Variants in NHSL1 observed in about 807,000 individuals in gnomAD.
NHSL1 encodes the protein NHS-like protein 1.
Under a neutral mutation model 95.0 loss-of-function variants are expected in NHSL1, and 48 were observed. The observed-to-expected ratio is 0.51, with a 90% CI of 0.40 to 0.64. NHSL1 has a LOEUF of 0.64. Among genes scored for constraint, NHSL1 ranks in the 30% least tolerant of loss-of-function variants. The pLI is 0.00. For missense variants in NHSL1, 1,971 were observed against 2,077.7 expected (o/e 0.95, Z 1.00); for synonymous variants, 783 against 833.9 (o/e 0.94, Z 1.05).
At chr6:138,548,222 G>A (rs926872396), upstream of NHSL1, among the ~76,000 whole-genome samples, 14 of 152,088 alleles carry the variant, frequency 9.2e-5, no homozygotes, top group Admixed American at 5.9e-4. Context: ...CTGACCTCGT[G>A]ATCCACCCAC....
chr6:138,617,109 G>A (rs1206028437), intron 1 of NHSL1, among the ~76,000 whole-genome samples: 1 of 152,192 alleles, frequency 6.6e-6, no homozygotes, highest in Non-Finnish European at 1.5e-5. Flanking sequence ...ATAATTAAGT[G>A]CAAAAGCTGG....
chr6:138,453,409 C>T (rs1297883972), intron 3 of NHSL1, among the ~76,000 whole-genome samples: 1 of 152,054 alleles, frequency 6.6e-6, no homozygotes, highest in Non-Finnish European at 1.5e-5. Flanking sequence ...GGCTAGAGTG[C>T]AGCACAGTGA....
In NHSL1 at chr6:138,473,451, G is replaced by C; in HGVS notation, c.212-18C>G. ...ATCGCATTCTGCAGAGGGGCACGCA[G>C]GGAGGGGAAGGAGGCCATTAAAAAG... On this transcript the variant is annotated intron_variant, in intron 2 of 7. Transcript: ENST00000343505. 7.1e-7 allele frequency: 1 copy of C among 1,400,590 alleles called. No individual in the cohort carries two copies. Among genetic ancestry groups the C allele is most frequent in the Non-Finnish European group, 9.4e-7 (1 of 1,066,294 alleles). The allele number at this position is 1,400,590 out of a possible 1,614,324, so 86.8% of individuals were successfully genotyped here.
At chr6:138,531,725 G>GC (rs1484829083) in intron 1 of NHSL1, among the ~76,000 whole-genome samples, 1 of 151,960 alleles carries the variant, frequency 6.6e-6, no homozygotes, top group African/African-American at 2.4e-5. Context: ...TGTTGCTTAG[G>GC]CGGGTCTTCA....
chr6:138,548,232 C>T (rs1250880741), upstream of NHSL1, among the ~76,000 whole-genome samples: 3 of 152,178 alleles, frequency 2.0e-5, no homozygotes, highest in African/African-American at 4.8e-5. Flanking sequence ...GATCCACCCA[C>T]CTCAGCCTCC....
intron 1 of NHSL1, among the ~76,000 whole-genome samples, chr6:138,626,214 C>A (rs1334842902): frequency 6.6e-6 from 1 of 152,226 alleles, no homozygotes; most frequent in African/African-American, 2.4e-5. Context: ...CATATGGAAA[C>A]AACCATCCAG....
intron 1 of NHSL1, among the ~76,000 whole-genome samples, chr6:138,653,858 T>C (rs1362451099): frequency 1.3e-5 from 2 of 152,250 alleles, no homozygotes; most frequent in African/African-American, 4.8e-5. Flanking sequence ...CCTTACTGTA[T>C]GATACGCTCC....
At chr6:138,471,054 G>C (rs1343905990) in intron 3 of NHSL1, among the ~76,000 whole-genome samples, 1 of 152,084 alleles carries the variant, frequency 6.6e-6, no homozygotes, top group Admixed American at 6.6e-5. Flanking sequence ...TGTTTTCTAG[G>C]GGGTGATTTG....
At chr6:138,659,143 G>A (rs1046692212) in intron 1 of NHSL1, among the ~76,000 whole-genome samples, 3 of 146,000 alleles carry the variant, frequency 2.1e-5, no homozygotes, top group East Asian at 2.0e-4. Flanking sequence ...TCCACTTTCC[G>A]AGTTCAAGTG....
chr6:138,630,031 A>C (rs893362283), intron 1 of NHSL1, among the ~76,000 whole-genome samples: 2 of 152,192 alleles, frequency 1.3e-5, no homozygotes, highest in African/African-American at 4.8e-5. Flanking sequence ...TGGGCAACAC[A>C]GTGAGACCCT....
In NHSL1 at chr6:138,626,750, C is replaced by T. The variant is rs559493427; in HGVS notation, c.96+65726G>A. Among the ~76,000 whole-genome samples, 96 of 117,324 alleles carry T rather than the reference C, an allele frequency of 8.2e-4. 25 individuals carry two copies. Among genetic ancestry groups the T allele is most frequent in the African/African-American group, 3.5e-3 (95 of 27,052 alleles). The allele number at this position is 117,324 out of a possible 152,430, so 77.0% of individuals were successfully genotyped here. On this transcript the variant is annotated intron_variant, in intron 1 of 3. Coordinates refer to the NHSL1 transcript ENST00000491526. ...CTACTAAAAATACAAAAAAATTAGCCGGGCGTAGTGGCGGGCGCCTGTCGT... is the reference window on the plus strand; with the variant it reads ...CTACTAAAAATACAAAAAAATTAGCTGGGCGTAGTGGCGGGCGCCTGTCGT...
chr6:138,512,795 T>C (rs1327116141), intron 1 of NHSL1, among the ~76,000 whole-genome samples: 1 of 152,244 alleles, frequency 6.6e-6, no homozygotes, highest in Non-Finnish European at 1.5e-5. Context: ...CTCAGGTCTA[T>C]GCACATGGCG....
chr6:138,560,971 T>C (rs975907419), intron 1 of NHSL1, among the ~76,000 whole-genome samples: 3 of 152,244 alleles, frequency 2.0e-5, no homozygotes, highest in Non-Finnish European at 2.9e-5. Context: ...ACTCAAGTGA[T>C]ACTGTTTAAA....
chr6:138,558,358 G>A (rs957745994), intron 1 of NHSL1, among the ~76,000 whole-genome samples: 3 of 151,210 alleles, frequency 2.0e-5, no homozygotes, highest in African/African-American at 7.3e-5. Context: ...TCCTGACCTC[G>A]TGATCCACCT....
At chr6:138,435,800 AT>A (rs1217383098) in intron 5 of NHSL1, among the ~76,000 whole-genome samples, 14 of 149,738 alleles carry the variant, frequency 9.3e-5, no homozygotes, top group Non-Finnish European at 2.1e-4. Context: ...TATTGATGCC[AT>A]TTTTCTAACA....
At chr6:138,533,677 G>C (rs1241365463) in intron 1 of NHSL1, among the ~76,000 whole-genome samples, 1 of 152,120 alleles carries the variant, frequency 6.6e-6, no homozygotes, top group Non-Finnish European at 1.5e-5. Context: ...ACTATGCATT[G>C]GAGTGTTTTT....
intron 5 of NHSL1, 89 bp downstream of exon 5, chr6:138,441,894 A>G: frequency 2.2e-5 from 28 of 1,257,140 alleles, no homozygotes; most frequent in Non-Finnish European, 2.7e-5. Flanking sequence ...ATCAGAATGT[A>G]TCGATTTTAT....
At chr6:138,591,756 C>T (rs767539260) in intron 1 of NHSL1, among the ~76,000 whole-genome samples, 3 of 152,090 alleles carry the variant, frequency 2.0e-5, no homozygotes, top group Non-Finnish European at 4.4e-5. Context: ...CAATTGAGCG[C>T]GGTTCTAAGT....
chr6:138,544,799 AT>A (rs1167976566), intron 1 of NHSL1, among the ~76,000 whole-genome samples: 2 of 152,294 alleles, frequency 1.3e-5, no homozygotes, highest in East Asian at 3.9e-4. Flanking sequence ...GCCTACATTA[AT>A]TACATTGTAA....
Sources: gnomAD v4.1 joint callset for allele counts (sites outside exome capture counted in the v4.1 genomes callset) on GRCh38, gnomAD v4.1.1 for gene constraint, MANE v1.5 for transcripts, NCBI Gene and HGNC (gene_info 2026-07-23, HGNC 2026-07-21) for gene names.